EBF2: variants seen among roughly 807,000 people sequenced by gnomAD.
The protein encoded by EBF2 is EBF transcription factor 2.
EBF2 carries 21 observed loss-of-function variants against 72.8 expected under a neutral mutation model. The ratio of observed to expected loss-of-function variants is 0.29; its 90% CI spans 0.20 to 0.42. EBF2 has a LOEUF of 0.42. Ranked by LOEUF, EBF2 falls within the 10% of genes least tolerant of loss-of-function variation. EBF2 has a pLI of 1.00. For missense variants in EBF2, 637 were observed against 731.2 expected (o/e 0.87, Z 1.49); for synonymous variants, 299 against 274.2 (o/e 1.09, Z -0.89).
intron 10 of EBF2, among the ~76,000 whole-genome samples, chr8:25,878,719 CTTGATAG>C (rs1213742574): frequency 6.6e-6 from 1 of 152,066 alleles, no homozygotes; most frequent in African/African-American, 2.4e-5. Flanking sequence ...TGATGCTATC[CTTGATAG>C]CATTTCTTCT....
At position 25,972,706 on chromosome 8, in the gene EBF2, C is replaced by A. The variant is rs77132301; in HGVS notation, c.551+60379G>T. Among the ~76,000 whole-genome samples, 920 of 152,190 alleles carry A rather than the reference C, an allele frequency of 6.0e-3. 11 individuals are homozygous for A. Among genetic ancestry groups the A allele is most frequent in the African/African-American group, 0.021 (881 of 41,524 alleles). ...AAGCCGGGACCCACGCCCAATGTTC[C>A]CGGGCACTGTGCCCCAAGCTCAAAG... On this transcript the variant is annotated intron_variant, in intron 6 of 15. Transcript: ENST00000520164.
chr8:26,014,365 G>GTAT (rs1563208907), intron 6 of EBF2, among the ~76,000 whole-genome samples: 89 of 151,926 alleles, frequency 5.9e-4, no homozygotes, highest in Admixed American at 1.5e-3. Context: ...ATTATTAGTA[G>GTAT]TAGTATTAGT....
intron 6 of EBF2, among the ~76,000 whole-genome samples, chr8:25,974,644 A>G (rs1804240131): frequency 6.6e-6 from 1 of 152,238 alleles, no homozygotes; most frequent in African/African-American, 2.4e-5. Context: ...TATTTTAAAA[A>G]CTATTTCTGA....
Position 25,842,091 on chromosome 8 carries a change from T to A in EBF2, c.*2518A>T, listed in dbSNP as rs1801753629. The A allele has an allele frequency of 6.6e-6, 1 of 152,190 alleles. No individual in the cohort carries two copies. Among genetic ancestry groups the A allele is most frequent in the South Asian group, 2.1e-4 (1 of 4,832 alleles). 9.4% of individuals were successfully genotyped at this position (152,190 alleles called of 1,614,324 possible). Reference sequence around the variant, plus strand: ...ATTGTCCCTTTAAATGAAAAAAATCTTACACAGCTCCTCTTACAAACACAG... The same window carrying A: ...ATTGTCCCTTTAAATGAAAAAAATCATACACAGCTCCTCTTACAAACACAG... On this transcript the variant is annotated 3_prime_UTR_variant, in exon 16 of 16. Transcript: ENST00000520164.
chr8:26,040,662 G>T lies in EBF2; in HGVS notation c.362C>A (p.Thr121Lys), dbSNP rs1043457048. 6 of 1,555,522 alleles carry T rather than the reference G, an allele frequency of 3.9e-6. No homozygotes were observed. Among genetic ancestry groups the T allele is most frequent in the Admixed American group, 1.9e-5 (1 of 51,614 alleles). Residue 121 changes from threonine (T) to lysine (K), a missense_variant, in exon 4 of 16, where the codon ACG becomes AAG. By Grantham distance (78) the Thr-to-Lys change is moderately conservative (BLOSUM62 -1). Around this residue, in one of 3 missense-constraint regions of EBF2, gnomAD observed 174 missense variants for 161.9 expected, o/e 1.07. Transcript: ENST00000520164. ...GAGCCTGACATAGAGGTCCTGTTCC[G>T]TGCGGACACCTGCGGGGACCGGAGG... ...LQLLYSNGVR[T>K]EQDLYVRLID...
Position 25,858,375 on chromosome 8 carries a change from C to G in EBF2, c.1472G>C (p.Gly491Ala). 6.2e-7 allele frequency: 1 copy of G among 1,614,182 alleles called. No homozygotes were observed. The highest frequency in any genetic ancestry group is 8.5e-7 in the Non-Finnish European group (1 of 1,180,038). Residue 491 changes from glycine (G) to alanine (A), a missense_variant, in exon 14 of 16, where the codon GGT becomes GCT. Coordinates refer to ENST00000520164, the MANE Select transcript of EBF2 (RefSeq NM_022659.4). ...TAGAAATCCTGGTGAACCTGGAACA[C>G]CCAAGTTGGCCATGGGGACATTGCT... is the stretch of plus-strand genomic sequence containing the variant. Reference protein sequence around the residue: ...GYSNVPMANLGVPGSPGFLNG... With the variant: ...GYSNVPMANLAVPGSPGFLNG...
chr8:25,857,842 G>A (rs1802125385), intron 14 of EBF2, among the ~76,000 whole-genome samples: 1 of 152,200 alleles, frequency 6.6e-6, no homozygotes, highest in Non-Finnish European at 1.5e-5. Flanking sequence ...AAGTCATCAG[G>A]ACTGTGCCTA....
At chr8:25,909,487 C>T (rs1056146058) in intron 6 of EBF2, among the ~76,000 whole-genome samples, 1 of 151,258 alleles carries the variant, frequency 6.6e-6, no homozygotes, top group African/African-American at 2.4e-5. Flanking sequence ...ACTATGACAA[C>T]GAAATTTTAC....
intron 6 of EBF2, among the ~76,000 whole-genome samples, chr8:26,016,407 C>A (rs1272413053): frequency 2.0e-5 from 3 of 152,210 alleles, no homozygotes; most frequent in Non-Finnish European, 4.4e-5. Context: ...TGCATTCATT[C>A]ATTCATTTAT....
At chr8:25,858,561 T>C in intron 13 of EBF2, 57 bp from the exon 14 acceptor site, 23 of 1,565,328 alleles carry the variant, frequency 1.5e-5, no homozygotes, top group Non-Finnish European at 2.0e-5. Flanking sequence ...TCAGGCCACA[T>C]GTGGCTAGCA....
intron 6 of EBF2, among the ~76,000 whole-genome samples, chr8:25,987,747 C>T (rs1563200791): frequency 6.6e-6 from 1 of 152,114 alleles, no homozygotes; most frequent in Non-Finnish European, 1.5e-5. Flanking sequence ...TAAGAACCCA[C>T]CCCCATTCCA....
intron 6 of EBF2, among the ~76,000 whole-genome samples, chr8:25,947,771 C>T (rs1357577324): frequency 6.6e-6 from 1 of 152,234 alleles, no homozygotes; most frequent in East Asian, 1.9e-4. Context: ...GCCCAGGTAA[C>T]CCTTCTTCAT....
intron 15 of EBF2, among the ~76,000 whole-genome samples, chr8:25,848,589 G>A (rs535179434): frequency 2.0e-5 from 3 of 152,286 alleles, no homozygotes; most frequent in African/African-American, 4.8e-5. Flanking sequence ...CCCATTGTAG[G>A]CTCAGAGCCA....
intron 7 of EBF2, 145 bp downstream of exon 7, chr8:25,908,328 TG>T: frequency 1.6e-6 from 1 of 643,868 alleles, no homozygotes. Flanking sequence ...TGCTAGTGGC[TG>T]AGGGTCATCG....
intron 6 of EBF2, among the ~76,000 whole-genome samples, chr8:25,962,609 T>A (rs1228361487): frequency 1.3e-5 from 2 of 152,084 alleles, no homozygotes; most frequent in Admixed American, 1.3e-4. Context: ...CAGGCTTCTC[T>A]ATTCACCAGC....
intron 6 of EBF2, among the ~76,000 whole-genome samples, chr8:26,024,248 G>A (rs529748503): frequency 6.6e-6 from 1 of 152,114 alleles, no homozygotes; most frequent in Non-Finnish European, 1.5e-5. Context: ...TGCCATGATG[G>A]AAATTATCTC....
intron 6 of EBF2, among the ~76,000 whole-genome samples, chr8:26,018,112 GTT>G (rs71730646): frequency 1.1e-4 from 16 of 146,470 alleles, no homozygotes; most frequent in South Asian, 4.4e-4. Flanking sequence ...GGTTGGAAAA[GTT>G]TTTTTTTTTT....
intron 6 of EBF2, among the ~76,000 whole-genome samples, chr8:25,984,343 G>C (rs1585216250): frequency 6.6e-6 from 1 of 151,834 alleles, no homozygotes; most frequent in Non-Finnish European, 1.5e-5. Flanking sequence ...CAAAACCCAG[G>C]TTTTCCAACA....
intron 6 of EBF2, among the ~76,000 whole-genome samples, chr8:25,994,959 A>T (rs10866847): frequency 0.53 from 81,113 of 152,140 alleles, 23,061 homozygotes; most frequent in Admixed American, 0.62. Flanking sequence ...TAAATAAATA[A>T]ATACCTGGAA....
Sources: gnomAD v4.1 joint callset for allele counts (sites outside exome capture counted in the v4.1 genomes callset) on GRCh38, gnomAD v4.1.1 for gene constraint, gnomAD v4.1.1 regional missense constraint, MANE v1.5 for transcripts, NCBI Gene and HGNC (gene_info 2026-07-23, HGNC 2026-07-21) for gene names.